The following KCTD2 variants were observed in gnomAD, a reference collection of about 807,000 sequenced individuals.
The protein encoded by KCTD2 is potassium channel tetramerization domain containing 2, also known as BTB/POZ domain-containing protein KCTD2.
In KCTD2, 18 loss-of-function variants were observed where a neutral mutation model predicts 27.9. That is an observed-to-expected ratio of 0.64 (90% CI 0.45 to 0.96). The LOEUF (loss-of-function observed/expected upper bound fraction) is 0.96, where lower values mean the gene tolerates loss of function less well. Ranked by LOEUF, KCTD2 falls within the 40% of genes least tolerant of loss-of-function variation. The pLI, the probability that KCTD2 is intolerant of heterozygous loss-of-function variation, is 0.00. For synonymous variants in KCTD2, 175 were observed against 148.4 expected (o/e 1.18, Z -1.30); for missense variants, 280 against 348.0 (o/e 0.80, Z 1.56).
At position 75,064,598 on chromosome 17, in the gene KCTD2, G is replaced by T. The variant is rs528575774; in HGVS notation, c.*1551G>T. The T allele has an allele frequency of 6.6e-6, 1 of 152,228 alleles. No homozygotes were observed. The highest frequency in any genetic ancestry group is 1.5e-5 in the Non-Finnish European group (1 of 68,070). The allele number at this position is 152,228 out of a possible 1,614,324, so 9.4% of individuals were successfully genotyped here. The stretch of plus-strand genomic sequence containing the variant: ...TTTCCCTAGGACCCTCAGTCTCCTT[G>T]TTTCTCTGTATCTGTAGCATAGCAT... On this transcript the variant is annotated 3_prime_UTR_variant, in exon 6 of 6. Coordinates refer to ENST00000322444, the MANE Select transcript of KCTD2 (RefSeq NM_015353.3).
intron 3 of KCTD2, among the ~76,000 whole-genome samples, chr17:75,057,309 G>A (rs2073359939): frequency 6.6e-6 from 1 of 151,960 alleles, no homozygotes; most frequent in Admixed American, 6.6e-5. Context: ...GCATTTGAGA[G>A]CACAAGTGGT....
At chr17:75,037,762 T>C (rs1466940637) in intron 3 of KCTD2, among the ~76,000 whole-genome samples, 2 of 152,138 alleles carry the variant, frequency 1.3e-5, no homozygotes, top group East Asian at 1.9e-4. Context: ...TAATTCTCCA[T>C]GTTCAGGCTG....
rs184267139 is a variant in KCTD2 at position 75,064,118 on chromosome 17, T to C, written c.*1071T>C. ...TCCCCAGTGGTATGTATGTATGTGC[T>C]AGGCAGTCTGGGGACCCCCTGTGTC... On this transcript the variant is annotated 3_prime_UTR_variant, in exon 6 of 6. Coordinates refer to ENST00000322444, the MANE Select transcript of KCTD2 (RefSeq NM_015353.3). 1.6e-3 allele frequency: 252 copies of C among 152,854 alleles called. 2 individuals carry two copies. The highest frequency in any genetic ancestry group is 2.8e-4 in the Non-Finnish European group (19 of 68,104). The allele number at this position is 152,854 out of a possible 1,614,324, so 9.5% of individuals were successfully genotyped here.
At position 75,047,553 on chromosome 17, in the gene KCTD2, C is replaced by T. The variant is rs1188975463; in HGVS notation, c.303C>T (p.Leu101=). 6.2e-7 allele frequency: 1 copy of T among 1,611,484 alleles called. No individual in the cohort carries two copies. The highest frequency in any genetic ancestry group is 8.5e-7 in the Non-Finnish European group (1 of 1,179,294). Residue 101 remains leucine (L), a synonymous_variant, in exon 1 of 6, where the codon CTC becomes CTT. Transcript: ENST00000322444. ...GREPKSFLCR[L]CCQEDPELDS... is the part of the protein sequence containing the mutation. ...AGCCCAAGTCATTTCTCTGCCGCCTCTGCTGCCAGGAGGACCCGGAGCTGG... is the reference window on the plus strand; with the variant it reads ...AGCCCAAGTCATTTCTCTGCCGCCTTTGCTGCCAGGAGGACCCGGAGCTGG...
chr17:75,058,393 A>C (rs1479342754), intron 3 of KCTD2, among the ~76,000 whole-genome samples: 1 of 151,708 alleles, frequency 6.6e-6, no homozygotes, highest in Non-Finnish European at 1.5e-5. Flanking sequence ...AATCCCAGCT[A>C]CTCGGGAGGC....
chr17:75,062,326 C>G, intron 5 of KCTD2, 81 bp downstream of exon 5: 1 of 1,385,662 alleles, frequency 7.2e-7, no homozygotes, highest in Non-Finnish European at 9.8e-7. Context: ...AACTCTTGCT[C>G]CTCACTTCTT....
Position 75,049,335 on chromosome 17 carries a change from G to T in KCTD2, c.448+7G>T, listed in dbSNP as rs201343144. The T allele has an allele frequency of 6.7e-7, 1 of 1,497,368 alleles. No homozygotes were observed. The highest frequency in any genetic ancestry group is 1.1e-5 in the South Asian group (1 of 87,340). The allele number at this position is 1,497,368 out of a possible 1,614,324, so 92.8% of individuals were successfully genotyped here. On this transcript the variant is annotated splice_region_variant and intron_variant, in intron 2 of 5. Coordinates refer to ENST00000322444, the MANE Select transcript of KCTD2 (RefSeq NM_015353.3). ...AAGGAGTTGGCAGAAGAAGGTAAGCGCACTGTTTGCATTGGGGATTTTCAA... is the reference window on the plus strand; with the variant it reads ...AAGGAGTTGGCAGAAGAAGGTAAGCTCACTGTTTGCATTGGGGATTTTCAA...
chr17:75,046,896 T>C (rs1320626040), upstream of KCTD2: 1 of 153,998 alleles, frequency 6.5e-6, no homozygotes, highest in Admixed American at 6.5e-5. Context: ...CCTCCAGGGA[T>C]CGGATCCAAT....
chr17:75,051,430 G>A (rs1439090663), intron 2 of KCTD2, among the ~76,000 whole-genome samples: 1 of 151,682 alleles, frequency 6.6e-6, no homozygotes, highest in Non-Finnish European at 1.5e-5. Flanking sequence ...GATTACAGGT[G>A]CATGCCACCA....
At chr17:75,043,549 G>T (rs1224860120), upstream of KCTD2, among the ~76,000 whole-genome samples, 1 of 148,438 alleles carries the variant, frequency 6.7e-6, no homozygotes, top group Non-Finnish European at 1.5e-5. Context: ...GGCGGCGGAG[G>T]TTGCAGTGAG....
At chr17:75,044,199 ATTTT>A (rs755560156), upstream of KCTD2, among the ~76,000 whole-genome samples, 1 of 94,692 alleles carries the variant, frequency 1.1e-5, no homozygotes. Context: ...TAATTTTTGT[ATTTT>A]TTTTTTTTTT....
chr17:75,038,804 G>A (rs2073127823), intron 3 of KCTD2: 1 of 1,123,808 alleles, frequency 8.9e-7, no homozygotes, highest in Non-Finnish European at 1.2e-6. Flanking sequence ...CTGCCAGTGA[G>A]GCCAGCTCAG....
chr17:75,044,023 CTTT>C (rs11312083), upstream of KCTD2, among the ~76,000 whole-genome samples: 25 of 127,700 alleles, frequency 2.0e-4, no homozygotes, highest in African/African-American at 4.5e-4. Flanking sequence ...ACGTTGTGCA[CTTT>C]TTTTTTTTTT....
chr17:75,062,235 A>C lies in KCTD2; in HGVS notation c.752A>C (p.Glu251Ala), dbSNP rs1415960703. Reference sequence around the variant, plus strand: ...AATGGCATCGTCATAGAGCCGAGCGAAAAGGCGAAGGTAAGGAGCCCCTTC... The same window carrying C: ...AATGGCATCGTCATAGAGCCGAGCGCAAAGGCGAAGGTAAGGAGCCCCTTC... ...STNGIVIEPS[E>A]KAKILQERGS... Residue 251 changes from glutamate to alanine, a missense_variant, in exon 5 of 6, where the codon GAA becomes GCA. Coordinates refer to ENST00000322444, the MANE Select transcript of KCTD2 (RefSeq NM_015353.3). 1 of 1,611,758 alleles carries C rather than the reference A, an allele frequency of 6.2e-7. No individual in the cohort carries two copies. The highest frequency in any genetic ancestry group is 8.5e-7 in the Non-Finnish European group (1 of 1,179,124).
chr17:75,057,916 C>T lies in KCTD2; in HGVS notation c.541-1594C>T, dbSNP rs538697225. On this transcript the variant is annotated intron_variant, in intron 3 of 5. Transcript: ENST00000322444. The stretch of plus-strand genomic sequence containing the variant: ...GAAGAAAAAATACAGCATTGTCGGC[C>T]GGACACAGTGGCTCATGCCTGTAAT... Among the ~76,000 whole-genome samples the T allele has an allele frequency of 4.6e-5, 7 of 152,134 alleles. No homozygotes were observed. The East Asian group carries it at 7.8e-4, about 17-fold the overall frequency.
intron 3 of KCTD2, chr17:75,038,936 A>G: frequency 6.8e-6 from 11 of 1,612,262 alleles, no homozygotes; most frequent in Non-Finnish European, 9.3e-6. Flanking sequence ...TCAATTTTAT[A>G]AATTCTCAAT....
At chr17:75,050,558 C>A (rs535480259) in intron 2 of KCTD2, among the ~76,000 whole-genome samples, 3 of 152,132 alleles carry the variant, frequency 2.0e-5, no homozygotes, top group Admixed American at 2.0e-4. Flanking sequence ...CCTCCGCGCC[C>A]GACCTGAGAT....
chr17:75,062,129 A>G lies in KCTD2; in HGVS notation c.646A>G (p.Ile216Val), dbSNP rs760272077. 3.7e-6 allele frequency: 6 copies of G among 1,614,106 alleles called. No homozygotes were observed. The South Asian group carries it at 4.4e-5, about 12-fold the overall frequency. Residue 216 changes from isoleucine (I) to valine (V), a missense_variant, in exon 5 of 6, where the codon ATC becomes GTC. Physicochemically the swap from Ile to Val is conservative, Grantham distance 29. Coordinates refer to ENST00000322444, the MANE Select transcript of KCTD2 (RefSeq NM_015353.3). ...ATTCTTGGTTCATCAGCTCATCAGC[A>G]TCGGATCTTCCTATAACTACGGCAA... Reference protein sequence around the residue: ...DGWKFEQLISIGSSYNYGNED... With the variant: ...DGWKFEQLISVGSSYNYGNED...
chr17:75,033,951 AT>A, intron 1 of KCTD2: 1 of 152,252 alleles, frequency 6.6e-6, no homozygotes, highest in East Asian at 1.9e-4. Context: ...TAAGCCAGGG[AT>A]TGTGGGTTCG....
Sources: allele counts gnomAD v4.1 joint callset (sites outside exome capture counted in the v4.1 genomes callset), GRCh38; gene constraint gnomAD v4.1.1; transcripts MANE v1.5; gene names NCBI Gene and HGNC (gene_info 2026-07-23, HGNC 2026-07-21).